The following WWOX variants were observed in gnomAD, a reference collection of about 807,000 sequenced individuals.
WWOX encodes the protein WW domain containing oxidoreductase.
Under a neutral mutation model 46.2 loss-of-function variants are expected in WWOX, and 69 were observed. The observed-to-expected ratio is 1.49, with a 90% CI of 1.23 to 1.82. WWOX has a LOEUF of 1.82. Among genes scored for constraint, WWOX ranks in the 40% most tolerant of loss-of-function variants. The pLI is 0.00. For synonymous variants in WWOX, 359 were observed against 202.6 expected (o/e 1.77, Z -6.56); for missense variants, 919 against 542.6 (o/e 1.69, Z -6.89).
chr16:78,197,280 C>T (rs1344876574), intron 5 of WWOX, among the ~76,000 whole-genome samples: 1 of 152,194 alleles, frequency 6.6e-6, no homozygotes, highest in Non-Finnish European at 1.5e-5. Flanking sequence ...TGACTCTTTC[C>T]CATATACCAC....
intron 8 of WWOX, among the ~76,000 whole-genome samples, chr16:78,785,312 C>G (rs1346825794): frequency 6.6e-6 from 1 of 152,172 alleles, no homozygotes; most frequent in Non-Finnish European, 1.5e-5. Flanking sequence ...CCAGCAGCAG[C>G]TTTGAGCACC....
At chr16:79,006,675 A>G (rs769335123) in intron 8 of WWOX, among the ~76,000 whole-genome samples, 8 of 152,144 alleles carry the variant, frequency 5.3e-5, no homozygotes, top group Non-Finnish European at 1.0e-4. Context: ...CTCGGCTAAG[A>G]TCCAGGTGTA....
intron 8 of WWOX, among the ~76,000 whole-genome samples, chr16:78,952,794 T>G (rs1485982804): frequency 6.6e-6 from 1 of 152,184 alleles, no homozygotes; most frequent in East Asian, 1.9e-4. Context: ...GCAGAAGGCT[T>G]AGCTGTTAAC....
At chr16:78,313,917 G>T (rs2080301198) in intron 5 of WWOX, among the ~76,000 whole-genome samples, 1 of 152,044 alleles carries the variant, frequency 6.6e-6, no homozygotes, top group African/African-American at 2.4e-5. Flanking sequence ...AGTGATTTTT[G>T]TCCCCAGTGA....
chr16:78,321,859 C>T (rs966825236), intron 5 of WWOX, among the ~76,000 whole-genome samples: 4 of 152,086 alleles, frequency 2.6e-5, no homozygotes, highest in Non-Finnish European at 4.4e-5. Flanking sequence ...GATGGAGAGG[C>T]ATATGATTCT....
At chr16:78,711,628 A>G (rs1270070647) in intron 8 of WWOX, among the ~76,000 whole-genome samples, 1 of 152,190 alleles carries the variant, frequency 6.6e-6, no homozygotes, top group African/African-American at 2.4e-5. Flanking sequence ...CCATTCCTAT[A>G]TAACATCGTC....
chr16:78,275,367 G>A (rs192254292), intron 5 of WWOX, among the ~76,000 whole-genome samples: 3 of 152,286 alleles, frequency 2.0e-5, no homozygotes, highest in Non-Finnish European at 2.9e-5. Flanking sequence ...GATGGGGCTT[G>A]TGCCCACCGG....
intron 8 of WWOX, among the ~76,000 whole-genome samples, chr16:79,002,146 T>C (rs1597260053): frequency 6.6e-6 from 1 of 151,622 alleles, no homozygotes; most frequent in African/African-American, 2.4e-5. Flanking sequence ...AATGCAAGTG[T>C]ATCGACGTGC....
At chr16:79,030,446 T>C (rs2047730430) in intron 8 of WWOX, among the ~76,000 whole-genome samples, 1 of 152,214 alleles carries the variant, frequency 6.6e-6, no homozygotes, top group South Asian at 2.1e-4. Context: ...GGATGCCTTT[T>C]GATCTGCACG....
chr16:78,846,981 C>G (rs1391123270), intron 8 of WWOX, among the ~76,000 whole-genome samples: 1 of 152,210 alleles, frequency 6.6e-6, no homozygotes, highest in Non-Finnish European at 1.5e-5. Flanking sequence ...TTTTGGTGCT[C>G]AAATTGTTCC....
intron 8 of WWOX, chr16:79,077,403 A>G (rs991624269): frequency 3.9e-5 from 6 of 152,188 alleles, no homozygotes; most frequent in East Asian, 1.9e-4. Flanking sequence ...AACCACATGC[A>G]TGCACAGAGA....
At chr16:78,899,205 G>A (rs529753196) in intron 8 of WWOX, 1 of 152,084 alleles carries the variant, frequency 6.6e-6, no homozygotes, top group Non-Finnish European at 1.5e-5. Context: ...TATGTTTTCT[G>A]TACCTATACT....
At chr16:78,416,737 T>C (rs1597200791) in intron 6 of WWOX, among the ~76,000 whole-genome samples, 1 of 152,180 alleles carries the variant, frequency 6.6e-6, no homozygotes, top group Admixed American at 6.5e-5. Context: ...GAAACTATCT[T>C]TGAGGAATTT....
At chr16:78,648,103 G>T (rs192490768) in intron 8 of WWOX, among the ~76,000 whole-genome samples, 1 of 152,324 alleles carries the variant, frequency 6.6e-6, no homozygotes, top group African/African-American at 2.4e-5. Flanking sequence ...AAGCCAGAGA[G>T]AAAATCAGTC....
chr16:78,154,602 A>G lies in WWOX; in HGVS notation c.410-9581A>G, dbSNP rs1003430420. Reference sequence around the variant, plus strand: ...CCAGAGGTTCTGCTGCCACTCAGTGACATTTGTGAAATGCAAGGGAGCTTG... The same window carrying G: ...CCAGAGGTTCTGCTGCCACTCAGTGGCATTTGTGAAATGCAAGGGAGCTTG... On this transcript the variant is annotated intron_variant, in intron 4 of 8. Coordinates refer to ENST00000566780, the MANE Select transcript of WWOX (RefSeq NM_016373.4). Among the ~76,000 whole-genome samples, 5 of 144,246 alleles carry G rather than the reference A, an allele frequency of 3.5e-5. No individual in the cohort carries two copies. In the Admixed American group the frequency reaches 3.6e-4, roughly 11 times the overall value. 94.6% of individuals were successfully genotyped at this position (144,246 alleles called of 152,430 possible).
At chr16:78,822,537 C>G (rs1425790356) in intron 8 of WWOX, among the ~76,000 whole-genome samples, 2 of 151,938 alleles carry the variant, frequency 1.3e-5, no homozygotes, top group East Asian at 1.9e-4. Flanking sequence ...CTACTTGAAC[C>G]AATAAAAATT....
At chr16:78,436,256 G>C (rs1188111804) in intron 8 of WWOX, among the ~76,000 whole-genome samples, 2 of 152,174 alleles carry the variant, frequency 1.3e-5, no homozygotes, top group African/African-American at 2.4e-5. Flanking sequence ...GGGAAGAGAA[G>C]GGCTTTGTCC....
chr16:79,080,368 A>G (rs991946884), intron 8 of WWOX, among the ~76,000 whole-genome samples: 19 of 152,248 alleles, frequency 1.2e-4, no homozygotes, highest in Admixed American at 4.6e-4. Context: ...GTCGCAGAAG[A>G]TCAGGAATTT....
At chr16:78,409,863 A>G (rs183947540) in intron 6 of WWOX, among the ~76,000 whole-genome samples, 15 of 152,252 alleles carry the variant, frequency 9.9e-5, no homozygotes, top group East Asian at 3.9e-4. Flanking sequence ...TCTAGCCACA[A>G]TCGGGAAAGG....
Sources: gnomAD v4.1 joint callset for allele counts (sites outside exome capture counted in the v4.1 genomes callset) on GRCh38, gnomAD v4.1.1 for gene constraint, MANE v1.5 for transcripts, NCBI Gene and HGNC (gene_info 2026-07-23, HGNC 2026-07-21) for gene names.